The following TULP4 variants were observed in gnomAD, a reference collection of about 807,000 sequenced individuals.
The protein encoded by TULP4 is tubby-related protein 4.
TULP4 carries 16 observed loss-of-function variants against 129.0 expected under a neutral mutation model. The observed-to-expected ratio is 0.12, with a 90% confidence interval of 0.08 to 0.19. The LOEUF (loss-of-function observed/expected upper bound fraction) is 0.19, where lower values mean the gene tolerates loss of function less well. Ranked by LOEUF, TULP4 falls within the 10% of genes least tolerant of loss-of-function variation. TULP4 has a pLI of 1.00. For synonymous variants in TULP4, 998 were observed against 854.0 expected (o/e 1.17, Z -2.94); for missense variants, 1,842 against 2,059.1 (o/e 0.89, Z 2.04).
intron 1 of TULP4, among the ~76,000 whole-genome samples, chr6:158,268,968 A>G (rs1778499423): frequency 6.6e-6 from 1 of 152,192 alleles, no homozygotes; most frequent in Non-Finnish European, 1.5e-5. Context: ...GCTTTTTGGA[A>G]AGCTGCACTA....
rs1462369199 is a variant in TULP4, at chr6:158,489,866, C to T, written c.1631+134C>T. The T allele has an allele frequency of 1.8e-5, 20 of 1,097,308 alleles. No individual in the cohort carries two copies. In the Admixed American group the frequency reaches 5.5e-4, roughly 30 times the overall value. 68.0% of individuals were successfully genotyped at this position (1,097,308 alleles called of 1,614,324 possible). On this transcript the variant is annotated intron_variant, in intron 9 of 13. Transcript: ENST00000367097. Reference sequence around the variant, plus strand: ...TCCCTGCCTTTTCTTCCAGAAGATTCCAGCTGGAATAATTACAACTTCTAT... The same window carrying T: ...TCCCTGCCTTTTCTTCCAGAAGATTTCAGCTGGAATAATTACAACTTCTAT...
At chr6:158,339,347 C>T (rs1216753704) in intron 1 of TULP4, among the ~76,000 whole-genome samples, 1 of 152,176 alleles carries the variant, frequency 6.6e-6, no homozygotes. Flanking sequence ...AGGGCGGGAT[C>T]ACAAGGTCAG....
intron 1 of TULP4, among the ~76,000 whole-genome samples, chr6:158,239,837 G>T (rs1327997873): frequency 5.5e-4 from 35 of 63,592 alleles, no homozygotes; most frequent in African/African-American, 1.8e-3. Flanking sequence ...CCTCCCTCCC[G>T]GACGGGGCGG....
intron 1 of TULP4, among the ~76,000 whole-genome samples, chr6:158,343,535 GGCCCTA>G (rs1780234713): frequency 6.6e-6 from 1 of 152,130 alleles, no homozygotes; most frequent in Non-Finnish European, 1.5e-5. Flanking sequence ...GGCCTTCTTA[GGCCCTA>G]GAGAGCTCGC....
At chr6:158,285,999 AT>A (rs1778829959) in intron 1 of TULP4, among the ~76,000 whole-genome samples, 1 of 152,238 alleles carries the variant, frequency 6.6e-6, no homozygotes, top group Non-Finnish European at 1.5e-5. Flanking sequence ...AGTAAAAAAG[AT>A]GGCAGCAGAT....
intron 1 of TULP4, among the ~76,000 whole-genome samples, chr6:158,371,418 T>C (rs1777065863): frequency 6.6e-6 from 1 of 152,208 alleles, no homozygotes; most frequent in South Asian, 2.1e-4. Flanking sequence ...CTAGTTTCTG[T>C]CATATGTGTT....
At chr6:158,235,872 TTAAA>T (rs888251648) in intron 1 of TULP4, among the ~76,000 whole-genome samples, 6 of 152,234 alleles carry the variant, frequency 3.9e-5, no homozygotes, top group African/African-American at 1.4e-4. Flanking sequence ...ATTAAATTAA[TTAAA>T]TTAGTTAAAA....
intron 3 of TULP4, among the ~76,000 whole-genome samples, chr6:158,431,071 C>G (rs576830947): frequency 6.6e-6 from 1 of 152,208 alleles, no homozygotes; most frequent in Admixed American, 6.5e-5. Context: ...CATGTTTCTT[C>G]CCTTGCTTTC....
intron 1 of TULP4, among the ~76,000 whole-genome samples, chr6:158,284,623 G>A (rs1245615608): frequency 6.6e-6 from 1 of 152,182 alleles, no homozygotes; most frequent in Non-Finnish European, 1.5e-5. Flanking sequence ...TCTCAGTGCT[G>A]TGGTTATAAT....
At chr6:158,258,061 C>G (rs1778279832) in intron 1 of TULP4, among the ~76,000 whole-genome samples, 1 of 152,142 alleles carries the variant, frequency 6.6e-6, no homozygotes. Context: ...TATCTTGCCT[C>G]TTTCAAAACA....
intron 2 of TULP4, among the ~76,000 whole-genome samples, chr6:158,420,592 C>T (rs1778316734): frequency 6.6e-6 from 1 of 152,058 alleles, no homozygotes; most frequent in Non-Finnish European, 1.5e-5. Context: ...AGCGATTCTC[C>T]TGTCTCAGCC....
intron 1 of TULP4, among the ~76,000 whole-genome samples, chr6:158,405,246 G>A (rs1345106545): frequency 6.6e-6 from 1 of 152,190 alleles, no homozygotes; most frequent in Non-Finnish European, 1.5e-5. Context: ...CAGAAAATAA[G>A]GAAAAGTTTA....
At chr6:158,419,488 T>C (rs574552200) in intron 2 of TULP4, among the ~76,000 whole-genome samples, 2 of 152,328 alleles carry the variant, frequency 1.3e-5, no homozygotes, top group Non-Finnish European at 2.9e-5. Context: ...AATATAATGC[T>C]AATTAGAATA....
In TULP4 at chr6:158,502,864, C is replaced by G. The variant is rs756010337; in HGVS notation, c.3201C>G (p.Ser1067=). ...ASASPLASQS[S]YSLLSPPDSA... is the part of the protein sequence containing the mutation. ...CCTCCCCGTTGGCCTCCCAGTCCTC[C>G]TACAGCCTCCTGAGCCCACCCGACA... The change falls in exon 13 of 14, where the codon TCC becomes TCG. Residue 1067 remains serine, a synonymous_variant. Coordinates refer to ENST00000367097, the MANE Select transcript of TULP4 (RefSeq NM_020245.5). The G allele has an allele frequency of 2.5e-6, 4 of 1,613,718 alleles. No homozygotes were observed. The highest frequency in any genetic ancestry group is 3.4e-6 in the Non-Finnish European group (4 of 1,180,008).
At chr6:158,430,587 A>AG (rs1371666628) in intron 3 of TULP4, among the ~76,000 whole-genome samples, 1 of 152,128 alleles carries the variant, frequency 6.6e-6, no homozygotes, top group Non-Finnish European at 1.5e-5. Context: ...TACTAAAAAA[A>AG]AAATACAAAA....
chr6:158,274,541 C>T (rs1391969237), intron 1 of TULP4, among the ~76,000 whole-genome samples: 1 of 152,170 alleles, frequency 6.6e-6, no homozygotes, highest in East Asian at 1.9e-4. Context: ...CTTTGGGAGG[C>T]CAAGGCGGGC....
intron 1 of TULP4, among the ~76,000 whole-genome samples, chr6:158,384,957 T>G (rs1197907348): frequency 1.3e-5 from 2 of 152,172 alleles, no homozygotes; most frequent in Non-Finnish European, 2.9e-5. Context: ...CTTTAGAAGT[T>G]CCAAAGAAAT....
At chr6:158,325,719 G>A (rs1305401282) in intron 1 of TULP4, among the ~76,000 whole-genome samples, 1 of 152,104 alleles carries the variant, frequency 6.6e-6, no homozygotes, top group African/African-American at 2.4e-5. Context: ...CTAGCAAAGA[G>A]GCAGAAATGA....
At chr6:158,496,232 G>A (rs575520501) in intron 11 of TULP4, among the ~76,000 whole-genome samples, 5 of 152,358 alleles carry the variant, frequency 3.3e-5, no homozygotes, top group Admixed American at 1.3e-4. Flanking sequence ...CAGGGGGGCC[G>A]TGGCCCTCCA....
Sources: allele counts gnomAD v4.1 joint callset (sites outside exome capture counted in the v4.1 genomes callset), GRCh38; gene constraint gnomAD v4.1.1; transcripts MANE v1.5; gene names NCBI Gene and HGNC (gene_info 2026-07-23, HGNC 2026-07-21).